The following ACSBG1 variants were observed in gnomAD, a reference collection of about 807,000 sequenced individuals.
ACSBG1 encodes long-chain-fatty-acid--CoA ligase ACSBG1.
In ACSBG1, 39 loss-of-function variants were observed where a neutral mutation model predicts 80.2. That is an observed-to-expected ratio of 0.49 (90% CI 0.38 to 0.64). The LOEUF (loss-of-function observed/expected upper bound fraction) is 0.64. Ranked by LOEUF, ACSBG1 falls within the 30% of genes least tolerant of loss-of-function variation. ACSBG1 has a pLI of 0.00. For synonymous variants in ACSBG1, 392 were observed against 379.5 expected (o/e 1.03, Z -0.38); for missense variants, 828 against 966.4 (o/e 0.86, Z 1.90).
Position 78,173,606 on chromosome 15 carries a change from C to A in ACSBG1, c.2076G>T (p.Ser692=). 1 of 1,614,102 alleles carries A rather than the reference C, an allele frequency of 6.2e-7. No homozygotes were observed. The highest frequency in any genetic ancestry group is 1.1e-5 in the South Asian group (1 of 91,058). The change falls in exon 13 of 14, where the codon TCG becomes TCT. Residue 692 remains serine, a synonymous_variant. Coordinates refer to ENST00000258873, the MANE Select transcript of ACSBG1 (RefSeq NM_015162.5). ...WAILERDFSI[S]GGELGPTMKL... ...GGAAAAACCTACCCAACTCTCCACC[C>A]GAAATGGAGAAGTCTCTCTCGAGAA...
At chr15:78,213,122 C>G (rs1359480424) in intron 1 of ACSBG1, among the ~76,000 whole-genome samples, 1 of 152,182 alleles carries the variant, frequency 6.6e-6, no homozygotes, top group African/African-American at 2.4e-5. Flanking sequence ...TTCCCCATAT[C>G]CTAAAAACCC....
At chr15:78,179,077 G>C (rs1041957240) in intron 10 of ACSBG1, 5 of 548,428 alleles carry the variant, frequency 9.1e-6, no homozygotes, top group Non-Finnish European at 1.6e-5. Context: ...TGATAGGCTG[G>C]CAGGGAGAGG....
At chr15:78,234,146 CT>C (rs988528284) in intron 1 of ACSBG1, among the ~76,000 whole-genome samples, 21 of 152,230 alleles carry the variant, frequency 1.4e-4, no homozygotes, top group Admixed American at 1.3e-3. Context: ...GCTCATACCC[CT>C]GGGATGTGCC....
rs528072993 is a variant in ACSBG1, at chr15:78,169,653, A to G, written c.*1791T>C. The G allele has an allele frequency of 1.9e-4, 29 of 152,378 alleles. No individual in the cohort carries two copies. The highest frequency in any genetic ancestry group is 3.1e-4 in the Non-Finnish European group (21 of 68,036). The allele number at this position is 152,378 out of a possible 1,614,324, so 9.4% of individuals were successfully genotyped here. A position where few individuals can be genotyped will look rare whatever the true frequency, so the allele number is the denominator to read the frequency against. On this transcript the variant is annotated 3_prime_UTR_variant, in exon 14 of 14. Transcript: ENST00000258873. ...TTTTTGTTAATAAGACAAAGGTAAT[A>G]TATTGGATACAAAGACACAAATGTA...
At chr15:78,226,174 T>C (rs2075399078) in intron 1 of ACSBG1, among the ~76,000 whole-genome samples, 1 of 152,226 alleles carries the variant, frequency 6.6e-6, no homozygotes, top group African/African-American at 2.4e-5. Flanking sequence ...AATGTACAAT[T>C]AAATTGTTAT....
In ACSBG1 at chr15:78,177,947, A is replaced by G. The variant is rs1215947490; in HGVS notation, c.1702+667T>C. On this transcript the variant is annotated intron_variant, in intron 11 of 13. Coordinates refer to ENST00000258873, the MANE Select transcript of ACSBG1 (RefSeq NM_015162.5). This position sits in a 1 kb window ranked among gnomAD's most constrained non-coding sequence, Gnocchi z 4.1. ...ATTTTAAATTTTATATCCAATTTGC[A>G]TTCTATTCCCCATCATATCCATGTT... 6.6e-6 allele frequency among the ~76,000 whole-genome samples: 1 copy of G among 152,158 alleles called. No individual in the cohort carries two copies.
intron 1 of ACSBG1, among the ~76,000 whole-genome samples, chr15:78,231,278 G>A (rs868089924): frequency 6.3e-5 from 9 of 141,824 alleles, no homozygotes; most frequent in African/African-American, 2.1e-4. Flanking sequence ...GCGCCACCAC[G>A]CCTGGCTAAT....
intron 1 of ACSBG1, among the ~76,000 whole-genome samples, chr15:78,222,054 A>C (rs1327939673): frequency 6.6e-6 from 1 of 152,228 alleles, no homozygotes; most frequent in Non-Finnish European, 1.5e-5. Flanking sequence ...CCAAATGTCC[A>C]TCAACTGAGG....
intron 1 of ACSBG1, among the ~76,000 whole-genome samples, chr15:78,222,244 G>C (rs2075364786): frequency 6.6e-6 from 1 of 152,220 alleles, no homozygotes; most frequent in African/African-American, 2.4e-5. Context: ...TCCAGAATAA[G>C]CAAATCTATA....
Position 78,167,764 on chromosome 15 carries a change from G to A in ACSBG1, c.*3680C>T, listed in dbSNP as rs1261793212. 6.6e-6 allele frequency: 1 copy of A among 152,130 alleles called. No individual in the cohort carries two copies. Among genetic ancestry groups the A allele is most frequent in the Non-Finnish European group, 1.5e-5 (1 of 68,044 alleles). 9.4% of individuals were successfully genotyped at this position (152,130 alleles called of 1,614,324 possible). On this transcript the variant is annotated 3_prime_UTR_variant, in exon 14 of 14. Transcript: ENST00000258873. ...ATGTAAGTGGAATCATACAGTATTT[G>A]TCCTTTGAGTCTGGCTTATTTCACT...
chr15:78,193,549 A>G lies in ACSBG1; in HGVS notation c.620T>C (p.Val207Ala). 1 of 1,613,188 alleles carries G rather than the reference A, an allele frequency of 6.2e-7. No homozygotes were observed. The highest frequency in any genetic ancestry group is 1.1e-5 in the South Asian group (1 of 90,996). Reference sequence around the variant, plus strand: ...CTGCTTCTGCGTGTCGACCATGATGACATTGGCGCAGCAGTCATAAGCGAT... The same window carrying G: ...CTGCTTCTGCGTGTCGACCATGATGGCATTGGCGCAGCAGTCATAAGCGAT... ...QYIAYDCCAN[V>A]IMVDTQKQLE... Residue 207 changes from valine to alanine, a missense_variant, in exon 5 of 14, where the codon GTC (valine) becomes GCC (alanine). By Grantham distance (64) the Val-to-Ala change is moderately conservative (BLOSUM62 0). This residue lies in a region of ACSBG1 where 356 missense variants were observed against 363.5 expected (regional missense o/e 0.98). Transcript: ENST00000258873.
At chr15:78,218,287 A>G (rs116193170) in intron 1 of ACSBG1, among the ~76,000 whole-genome samples, 4,446 of 106,952 alleles carry the variant, frequency 0.042, 102 homozygotes, top group Middle Eastern at 0.12. Flanking sequence ...GAGTGGGGGT[A>G]GGGGTGAAGC....
intron 2 of ACSBG1, among the ~76,000 whole-genome samples, chr15:78,204,552 C>A (rs1037673036): frequency 6.6e-6 from 1 of 152,188 alleles, no homozygotes; most frequent in Non-Finnish European, 1.5e-5. Context: ...TTGACCCCTG[C>A]GGAAAATGTT....
At chr15:78,225,027 A>G (rs924175470) in intron 1 of ACSBG1, among the ~76,000 whole-genome samples, 2 of 152,218 alleles carry the variant, frequency 1.3e-5, no homozygotes, top group Admixed American at 1.3e-4. Flanking sequence ...TAAATTTAGT[A>G]AGGTTGCAGG....
intron 5 of ACSBG1, among the ~76,000 whole-genome samples, chr15:78,185,917 A>T (rs1345700641): frequency 1.3e-5 from 2 of 152,214 alleles, no homozygotes; most frequent in Non-Finnish European, 2.9e-5. Context: ...AGATAAAATG[A>T]CTTTTAAAAA....
At chr15:78,185,571 AT>A (rs2074995046) in intron 5 of ACSBG1, among the ~76,000 whole-genome samples, 1 of 152,226 alleles carries the variant, frequency 6.6e-6, no homozygotes, top group Non-Finnish European at 1.5e-5. Context: ...GTCCCAGAAA[AT>A]TTTTTTAATT....
At chr15:78,206,084 A>C (rs1488565552) in intron 2 of ACSBG1, among the ~76,000 whole-genome samples, 1 of 152,202 alleles carries the variant, frequency 6.6e-6, no homozygotes, top group Non-Finnish European at 1.5e-5. Flanking sequence ...CCCCCGAGCC[A>C]GGTCTGTGGG....
chr15:78,224,617 A>T (rs2075385415), intron 1 of ACSBG1, among the ~76,000 whole-genome samples: 2 of 152,142 alleles, frequency 1.3e-5, no homozygotes, highest in South Asian at 4.1e-4. Context: ...GCTACTCAAG[A>T]GGCTGAGGCA....
intron 2 of ACSBG1, among the ~76,000 whole-genome samples, chr15:78,205,017 G>A (rs2141363503): frequency 6.6e-6 from 1 of 152,192 alleles, no homozygotes; most frequent in South Asian, 2.1e-4. Context: ...GAGAAAGCGG[G>A]TGGGGAGCCA....
Sources: allele counts gnomAD v4.1 joint callset (sites outside exome capture counted in the v4.1 genomes callset), GRCh38; gene constraint gnomAD v4.1.1; regional missense constraint gnomAD v4.1.1; non-coding constraint Gnocchi (gnomAD v3.1); transcripts MANE v1.5; gene names NCBI Gene and HGNC (gene_info 2026-07-23, HGNC 2026-07-21).